The following TTLL5 variants were observed in gnomAD, a reference collection of about 807,000 sequenced individuals.
TTLL5 encodes tubulin tyrosine ligase like 5.
TTLL5 carries 132 observed loss-of-function variants against 168.4 expected under a neutral mutation model. The ratio of observed to expected loss-of-function variants is 0.78; its 90% CI spans 0.68 to 0.91. TTLL5 has a LOEUF of 0.91. Ranked by LOEUF, TTLL5 falls within the 40% of genes least tolerant of loss-of-function variation. The pLI is 0.00. For synonymous variants in TTLL5, 546 were observed against 558.6 expected, an observed-to-expected ratio of 0.98 and a Z score of 0.32; for missense variants, 1,545 against 1,581.5, an observed-to-expected ratio of 0.98 and a Z score of 0.39.
chr14:75,777,310 G>A (rs1470801976), intron 23 of TTLL5, among the ~76,000 whole-genome samples: 2 of 152,152 alleles, frequency 1.3e-5, no homozygotes, highest in Non-Finnish European at 2.9e-5. Context: ...TACTGGGTCT[G>A]AATTTGTCCC....
At chr14:75,776,938 C>G in intron 23 of TTLL5, 88 bp downstream of exon 23, 1 of 1,063,010 alleles carries the variant, frequency 9.4e-7, no homozygotes, top group Non-Finnish European at 1.4e-6. Flanking sequence ...GTTTCTGATA[C>G]ATGGATGTGA....
rs775667425 is a variant in TTLL5, at chr14:75,669,512, A to T, written c.171A>T (p.Arg57Ser). Residue 57 changes from arginine (R) to serine (S), a missense_variant, in exon 3 of 32, where the codon AGA becomes AGT. Arg to Ser is a moderately radical substitution (Grantham distance 110, BLOSUM62 -1). Coordinates refer to ENST00000298832, the MANE Select transcript of TTLL5 (RefSeq NM_015072.5). ...TTCTTACAAAGGACAACAATATTAG[A>T]GTAATTGGAGGTGCGTATAACCTCT... is the stretch of plus-strand genomic sequence containing the variant. The part of the protein sequence containing the change: ...DAILTKDNNI[R>S]VIGERYHLSY... 1 of 1,613,942 alleles carries T rather than the reference A, an allele frequency of 6.2e-7. No homozygotes were observed. Among genetic ancestry groups the T allele is most frequent in the South Asian group, 1.1e-5 (1 of 91,060 alleles).
At chr14:75,666,210 C>A (rs927315687) in intron 2 of TTLL5, among the ~76,000 whole-genome samples, 1 of 152,202 alleles carries the variant, frequency 6.6e-6, no homozygotes, top group Non-Finnish European at 1.5e-5. Flanking sequence ...CATAAATCAT[C>A]GGAAGATGTT....
At position 75,782,560 on chromosome 14, in the gene TTLL5, T is replaced by C. The variant is rs1440091467; in HGVS notation, c.2589T>C (p.Ser863=). 1.2e-6 allele frequency: 2 copies of C among 1,613,834 alleles called. No homozygotes were observed. Among genetic ancestry groups the C allele is most frequent in the African/African-American group, 1.3e-5 (1 of 75,054 alleles). Residue 863 remains serine (S), a synonymous_variant, in exon 25 of 32, where the codon TCT becomes TCC. Transcript: ENST00000298832. ...AGCAACAGACGACAGAAATTCATTCTGATAAATTATCTCGTGAGTGATTTC... is the reference window on the plus strand; with the variant it reads ...AGCAACAGACGACAGAAATTCATTCCGATAAATTATCTCGTGAGTGATTTC... ...PKQQQTTEIH[S]DKLSRFTTSA...
intron 15 of TTLL5, among the ~76,000 whole-genome samples, chr14:75,739,764 G>A (rs780177007): frequency 9.2e-5 from 14 of 152,176 alleles, no homozygotes; most frequent in Non-Finnish European, 1.6e-4. Context: ...TGAAGTTACA[G>A]TGAGGAAGAA....
chr14:75,707,684 T>G lies in TTLL5; in HGVS notation c.717T>G (p.Tyr239Ter). The G allele has an allele frequency of 6.2e-7, 1 of 1,613,044 alleles. No homozygotes were observed. The highest frequency in any genetic ancestry group is 8.5e-7 in the Non-Finnish European group (1 of 1,179,462). The change falls in exon 9 of 32, where the codon TAT becomes TAG. Residue 239 changes from tyrosine to a stop codon, truncating the protein, a stop_gained. Coordinates refer to ENST00000298832, the MANE Select transcript of TTLL5 (RefSeq NM_015072.5). LOFTEE classifies it high-confidence loss of function. ...CTTCCTATGATCCTCTTGTCATCTA[T>G]CTCTATGAAGAAGGATTGGCTAGGT... is the stretch of plus-strand genomic sequence containing the variant. ...LVTSYDPLVI[Y>*]LYEEGLARFA...
intron 26 of TTLL5, among the ~76,000 whole-genome samples, chr14:75,785,362 T>G (rs987768392): frequency 6.6e-6 from 1 of 152,144 alleles, no homozygotes; most frequent in Admixed American, 6.5e-5. Context: ...GTAGTTTTAG[T>G]AGAGGTGGGG....
intron 28 of TTLL5, among the ~76,000 whole-genome samples, chr14:75,859,520 C>T (rs936679599): frequency 2.0e-5 from 3 of 152,132 alleles, no homozygotes; most frequent in Non-Finnish European, 4.4e-5. Flanking sequence ...ATTCTCTTGG[C>T]TCTGTGTACT....
chr14:75,792,013 A>G (rs185860589), intron 26 of TTLL5, among the ~76,000 whole-genome samples: 3 of 152,018 alleles, frequency 2.0e-5, no homozygotes, highest in Non-Finnish European at 2.9e-5. Flanking sequence ...GGCTTAAGCA[A>G]TCCTCCTGCC....
intron 30 of TTLL5, among the ~76,000 whole-genome samples, chr14:75,890,441 A>G (rs935381559): frequency 6.6e-6 from 1 of 152,238 alleles, no homozygotes; most frequent in Non-Finnish European, 1.5e-5. Flanking sequence ...CATAAGAAAA[A>G]TACTTTAAAA....
intron 6 of TTLL5, among the ~76,000 whole-genome samples, chr14:75,691,397 A>G (rs1338034569): frequency 6.6e-6 from 1 of 152,254 alleles, no homozygotes; most frequent in African/African-American, 2.4e-5. Flanking sequence ...CTCTTGTGAA[A>G]GTCCAAATTA....
chr14:75,803,944 G>C (rs1893492051), intron 27 of TTLL5, among the ~76,000 whole-genome samples: 1 of 152,180 alleles, frequency 6.6e-6, no homozygotes, highest in South Asian at 2.1e-4. Flanking sequence ...TGAGACTGCA[G>C]GACCCAGCTA....
At chr14:75,872,458 C>CTACTCAGTAAGTAAGAGG (rs1352461120) in intron 29 of TTLL5, among the ~76,000 whole-genome samples, 43 of 152,322 alleles carry the variant, frequency 2.8e-4, no homozygotes, top group Middle Eastern at 3.4e-3. Context: ...TCCCAGCTTA[C>CTACTCAGTAAGTAAGAGG]TACTCAGTAC....
At chr14:75,743,764 G>A (rs375122475) in intron 15 of TTLL5, among the ~76,000 whole-genome samples, 1 of 151,782 alleles carries the variant, frequency 6.6e-6, no homozygotes, top group African/African-American at 2.4e-5. Flanking sequence ...TGTATTTTTA[G>A]TAGAGATGGG....
chr14:75,783,321 C>T lies in TTLL5; in HGVS notation c.2777C>T (p.Pro926Leu). 2 of 1,614,192 alleles carry T rather than the reference C, an allele frequency of 1.2e-6. No homozygotes were observed. Among genetic ancestry groups the T allele is most frequent in the Non-Finnish European group, 1.7e-6 (2 of 1,180,032 alleles). The change falls in exon 26 of 32, where the codon CCC becomes CTC. Residue 926 changes from proline (P) to leucine (L), a missense_variant. Physicochemically the swap from Pro to Leu is moderately conservative, Grantham distance 98. Coordinates refer to ENST00000298832, the MANE Select transcript of TTLL5 (RefSeq NM_015072.5). ...TTATCTCAAATTCCTTCAGCTATCC[C>T]CAGCATGCCTCACCAGCCAACAATT... ...SSLSQIPSAI[P>L]SMPHQPTILL... is the part of the protein sequence containing the mutation.
rs183659873 is a variant in TTLL5, at chr14:75,931,541, C to A, written c.3824-22883C>A. 2.6e-5 allele frequency among the ~76,000 whole-genome samples: 4 copies of A among 152,240 alleles called. No individual in the cohort carries two copies. In the East Asian group the frequency reaches 7.7e-4, roughly 29 times the overall value. Reference sequence around the variant, plus strand: ...GTGTTTTCCAGACGGATCTCTTCATCCTAAGTTGTATCCTGCCTTTATCCT... The same window carrying A: ...GTGTTTTCCAGACGGATCTCTTCATACTAAGTTGTATCCTGCCTTTATCCT... On this transcript the variant is annotated intron_variant, in intron 31 of 31. Transcript: ENST00000298832.
At chr14:75,899,638 TGTG>T (rs577639763) in intron 30 of TTLL5, among the ~76,000 whole-genome samples, 2 of 152,286 alleles carry the variant, frequency 1.3e-5, no homozygotes, top group South Asian at 4.1e-4. Flanking sequence ...ATTCTGAATC[TGTG>T]GTGGTCTCCA....
intron 26 of TTLL5, among the ~76,000 whole-genome samples, chr14:75,784,895 G>C (rs975876713): frequency 1.3e-5 from 2 of 152,020 alleles, no homozygotes; most frequent in Non-Finnish European, 2.9e-5. Context: ...TTCTTTGGAG[G>C]AATGTCTATT....
intron 31 of TTLL5, among the ~76,000 whole-genome samples, chr14:75,937,009 TGATA>T (rs1488551298): frequency 3.9e-5 from 6 of 152,208 alleles, no homozygotes; most frequent in Non-Finnish European, 2.9e-5. Flanking sequence ...GCAGAATAAG[TGATA>T]GATCAATATC....
Sources: gnomAD v4.1 joint callset for allele counts (sites outside exome capture counted in the v4.1 genomes callset) on GRCh38, gnomAD v4.1.1 for gene constraint, MANE v1.5 for transcripts, NCBI Gene and HGNC (gene_info 2026-07-23, HGNC 2026-07-21) for gene names.